DCDC2C: variants seen among roughly 807,000 people sequenced by gnomAD.
The protein encoded by DCDC2C is doublecortin domain containing 2C.
DCDC2C carries 44 observed loss-of-function variants against 45.0 expected under a neutral mutation model. The observed-to-expected ratio is 0.98, with a 90% confidence interval of 0.77 to 1.26. The LOEUF (loss-of-function observed/expected upper bound fraction) is 1.26. Ranked by LOEUF, DCDC2C falls within the 50% of genes most tolerant of loss-of-function variation. The pLI, the probability that DCDC2C is intolerant of heterozygous loss-of-function variation, is 0.00. For synonymous variants in DCDC2C, 187 were observed against 178.8 expected, an observed-to-expected ratio of 1.05 and a Z score of -0.37; for missense variants, 447 against 468.9, an observed-to-expected ratio of 0.95 and a Z score of 0.43.
At chr2:3,718,868 G>T (rs1668418289) in intron 2 of DCDC2C, among the ~76,000 whole-genome samples, 1 of 152,174 alleles carries the variant, frequency 6.6e-6, no homozygotes, top group African/African-American at 2.4e-5. Context: ...GCTACAGATT[G>T]CTGACTGGTG....
At chr2:3,730,790 A>G (rs953484574) in intron 3 of DCDC2C, among the ~76,000 whole-genome samples, 2 of 152,184 alleles carry the variant, frequency 1.3e-5, no homozygotes, top group Admixed American at 1.3e-4. Context: ...CAGTTTGCCA[A>G]CATTCTGCAT....
At chr2:3,739,233 G>T (rs933768451) in intron 3 of DCDC2C, among the ~76,000 whole-genome samples, 1 of 152,186 alleles carries the variant, frequency 6.6e-6, no homozygotes, top group African/African-American at 2.4e-5. Context: ...ATATAGAAGT[G>T]CTGGGAAGAG....
At chr2:3,830,236 G>T in intron 10 of DCDC2C, among the ~76,000 whole-genome samples, 1 of 152,050 alleles carries the variant, frequency 6.6e-6, no homozygotes, top group South Asian at 2.1e-4. Context: ...CAAATATTTG[G>T]TAGGTGACAA....
intron 10 of DCDC2C, chr2:3,844,139 G>A (rs978611622): frequency 2.0e-5 from 3 of 152,134 alleles, no homozygotes; most frequent in Non-Finnish European, 4.4e-5. Context: ...AGTAGAAATA[G>A]AAGCCCACAG....
At chr2:3,765,234 C>A (rs937246048) in intron 6 of DCDC2C, among the ~76,000 whole-genome samples, 2 of 152,206 alleles carry the variant, frequency 1.3e-5, no homozygotes, top group African/African-American at 2.4e-5. Flanking sequence ...CTGCTCAGTT[C>A]ATTAAATCAG....
rs1467071691 is a variant in DCDC2C, at chr2:3,754,662, A to G, written c.726+28A>G. 2.6e-6 allele frequency: 4 copies of G among 1,531,284 alleles called. No individual in the cohort carries two copies. In the Admixed American group the frequency reaches 7.9e-5, roughly 30 times the overall value. 94.9% of individuals were successfully genotyped at this position (1,531,284 alleles called of 1,614,324 possible). Reference sequence around the variant, plus strand: ...AAGTAACTTTTTAAAACAAGTAAGTAACTTGTTTCTGATTCTGGCGTCTTC... The same window carrying G: ...AAGTAACTTTTTAAAACAAGTAAGTGACTTGTTTCTGATTCTGGCGTCTTC... On this transcript the variant is annotated intron_variant, in intron 6 of 10. Coordinates refer to ENST00000399143, the MANE Select transcript of DCDC2C (RefSeq NM_001287444.2).
intron 10 of DCDC2C, among the ~76,000 whole-genome samples, chr2:3,788,784 T>C (rs1234206843): frequency 0.043 from 4,181 of 97,228 alleles, 231 homozygotes; most frequent in African/African-American, 0.14. Flanking sequence ...CCGTTTCCCT[T>C]TCTTCCTCCC....
At chr2:3,718,610 C>A (rs914036943) in intron 2 of DCDC2C, among the ~76,000 whole-genome samples, 1 of 152,110 alleles carries the variant, frequency 6.6e-6, no homozygotes, top group Non-Finnish European at 1.5e-5. Flanking sequence ...GACTAGGGGG[C>A]AGCATACAAA....
chr2:3,763,963 TA>T (rs1669952622), intron 6 of DCDC2C, among the ~76,000 whole-genome samples: 1 of 152,222 alleles, frequency 6.6e-6, no homozygotes, highest in South Asian at 2.1e-4. Context: ...ACTGCTCAGA[TA>T]TAGAAAACTG....
intron 10 of DCDC2C, among the ~76,000 whole-genome samples, chr2:3,811,653 G>C (rs558814802): frequency 8.5e-5 from 13 of 152,276 alleles, no homozygotes; most frequent in Admixed American, 2.6e-4. Flanking sequence ...CCCTTGGCTT[G>C]TACTGGTTTT....
intron 2 of DCDC2C, among the ~76,000 whole-genome samples, chr2:3,712,836 T>G (rs750810982): frequency 9.9e-5 from 15 of 152,194 alleles, no homozygotes; most frequent in Non-Finnish European, 1.8e-4. Flanking sequence ...GTCGTGTCAG[T>G]CCTTGAATGC....
intron 2 of DCDC2C, among the ~76,000 whole-genome samples, chr2:3,717,977 C>T (rs559452614): frequency 6.6e-6 from 1 of 152,344 alleles, no homozygotes; most frequent in African/African-American, 2.4e-5. Context: ...ATGTTCCTCT[C>T]CCATGCTTCC....
intron 6 of DCDC2C, among the ~76,000 whole-genome samples, chr2:3,759,507 G>A (rs1241019527): frequency 6.6e-6 from 1 of 152,158 alleles, no homozygotes; most frequent in African/African-American, 2.4e-5. Flanking sequence ...AGAGAGTAAT[G>A]TAGCACCTCG....
intron 3 of DCDC2C, among the ~76,000 whole-genome samples, chr2:3,727,426 T>G (rs1461072753): frequency 6.6e-6 from 1 of 152,290 alleles, no homozygotes; most frequent in East Asian, 1.9e-4. Flanking sequence ...AAGCTTTGTT[T>G]TGATTTTTTT....
At chr2:3,763,715 T>G (rs577501859) in intron 6 of DCDC2C, among the ~76,000 whole-genome samples, 1 of 152,340 alleles carries the variant, frequency 6.6e-6, no homozygotes, top group African/African-American at 2.4e-5. Context: ...CATTCCAGCA[T>G]CCTTCACAGC....
At chr2:3,718,596 T>C (rs1463669965) in intron 2 of DCDC2C, among the ~76,000 whole-genome samples, 2 of 152,102 alleles carry the variant, frequency 1.3e-5, no homozygotes, top group Non-Finnish European at 2.9e-5. Flanking sequence ...TCCAGGGCCT[T>C]GTGGACTAGG....
intron 5 of DCDC2C, among the ~76,000 whole-genome samples, chr2:3,753,359 G>T (rs1026242555): frequency 6.6e-6 from 1 of 152,234 alleles, no homozygotes; most frequent in African/African-American, 2.4e-5. Context: ...GGCTATGCGG[G>T]TGCCACACTG....
chr2:3,813,067 ATT>A (rs869244524), intron 10 of DCDC2C, among the ~76,000 whole-genome samples: 645 of 29,056 alleles, frequency 0.022, 7 homozygotes, highest in South Asian at 0.045. Context: ...ATATATATAT[ATT>A]TTTTTTTTTT....
At chr2:3,758,781 A>G (rs1669797788) in intron 6 of DCDC2C, among the ~76,000 whole-genome samples, 1 of 152,156 alleles carries the variant, frequency 6.6e-6, no homozygotes, top group Admixed American at 6.5e-5. Flanking sequence ...CTGGATTGGG[A>G]TGTCCAAGCT....
Sources: allele counts gnomAD v4.1 joint callset (sites outside exome capture counted in the v4.1 genomes callset), GRCh38; gene constraint gnomAD v4.1.1; transcripts MANE v1.5; gene names NCBI Gene and HGNC (gene_info 2026-07-23, HGNC 2026-07-21).